The following MMS19 variants were observed in gnomAD, a reference collection of about 807,000 sequenced individuals.
MMS19 encodes the protein MMS19 nucleotide excision repair protein homolog.
A neutral mutation model predicts 129.8 loss-of-function variants in MMS19; 77 were observed. That is an observed-to-expected ratio of 0.59 (90% CI 0.49 to 0.72). MMS19 has a LOEUF of 0.72. MMS19 is among the 30% of genes least tolerant of loss of function. The pLI is 0.00. For synonymous variants in MMS19, 491 were observed against 502.8 expected (o/e 0.98, Z 0.31); for missense variants, 1,168 against 1,266.3 (o/e 0.92, Z 1.18).
At chr10:97,463,768 A>G (rs1342675594) in intron 19 of MMS19, 90 bp downstream of exon 19, 2 of 1,129,912 alleles carry the variant, frequency 1.8e-6, no homozygotes, top group East Asian at 2.6e-5. Flanking sequence ...GGTACAAAAT[A>G]CAGTACCACC....
Position 97,466,056 on chromosome 10 carries a change from T to C in MMS19, c.1606+3A>G, listed in dbSNP as rs1165819792. 1 of 1,613,556 alleles carries C rather than the reference T, an allele frequency of 6.2e-7. No individual in the cohort carries two copies. Among genetic ancestry groups the C allele is most frequent in the Non-Finnish European group, 8.5e-7 (1 of 1,179,696 alleles). On this transcript the variant is annotated splice_donor_region_variant and intron_variant, in intron 17 of 30. Transcript: ENST00000438925. The stretch of plus-strand genomic sequence containing the variant: ...TGGGCCACAGAGGATTAGAGACACA[T>C]ACCTACACGCAGCTCCTCAGCGAGC...
intron 1 of MMS19, among the ~76,000 whole-genome samples, chr10:97,497,467 T>C (rs1174529436): frequency 6.6e-6 from 1 of 152,196 alleles, no homozygotes; most frequent in African/African-American, 2.4e-5. Flanking sequence ...TAATTTTATA[T>C]TGTTACTTAA....
chr10:97,486,424 G>A (rs7901283), intron 1 of MMS19, among the ~76,000 whole-genome samples: 34,042 of 152,080 alleles, frequency 0.22, 4,142 homozygotes, highest in Non-Finnish European at 0.27. Context: ...CAGGTGATCC[G>A]CCCACTTCAA....
At chr10:97,470,087 G>T in intron 10 of MMS19, 42 bp downstream of exon 10, 1 of 1,363,298 alleles carries the variant, frequency 7.3e-7, no homozygotes, top group Non-Finnish European at 1.0e-6. Context: ...CCCCTAACTT[G>T]TCAAAAGGTA....
intron 18 of MMS19, 24 bp from the exon 19 acceptor site, chr10:97,464,037 G>C: frequency 1.2e-6 from 2 of 1,602,478 alleles, no homozygotes; most frequent in South Asian, 1.1e-5. Context: ...AGTGTTCTCT[G>C]TAAGGTTTGC....
intron 16 of MMS19, 55 bp downstream of exon 16, chr10:97,466,449 T>A: frequency 7.3e-7 from 1 of 1,375,832 alleles, no homozygotes; most frequent in Non-Finnish European, 1.0e-6. Context: ...GATCTTTTGC[T>A]GCCAATACAG....
intron 22 of MMS19, 38 bp from the exon 23 acceptor site, chr10:97,461,660 A>C (rs899450915): frequency 1.9e-6 from 3 of 1,587,010 alleles, no homozygotes; most frequent in Admixed American, 1.8e-5. Context: ...CCCAGAGAAC[A>C]CTTGAACTCC....
intron 3 of MMS19, 57 bp downstream of exon 3, chr10:97,480,885 C>T (rs2135437156): frequency 8.0e-7 from 1 of 1,249,388 alleles, no homozygotes; most frequent in South Asian, 1.3e-5. Flanking sequence ...CTTGAATAGA[C>T]ATGGGAGACC....
At chr10:97,480,069 C>T (rs1317968753) in intron 3 of MMS19, among the ~76,000 whole-genome samples, 1 of 152,194 alleles carries the variant, frequency 6.6e-6, no homozygotes, top group Non-Finnish European at 1.5e-5. Flanking sequence ...TGGCTGCCCC[C>T]ATGTATCCCC....
At position 97,458,384 on chromosome 10, in the gene MMS19, G is replaced by A; in HGVS notation, c.*308C>T. On this transcript the variant is annotated 3_prime_UTR_variant, in exon 31 of 31. Transcript: ENST00000438925. ...CAACATCTGCCAGCCCTGGTCCTCA[G>A]GGCCACACTCATATGCACTCACCCC... 1 of 317,908 alleles carries A rather than the reference G, an allele frequency of 3.1e-6. No individual in the cohort carries two copies. The highest frequency in any genetic ancestry group is 5.4e-5 in the East Asian group (1 of 18,570). The allele number at this position is 317,908 out of a possible 1,614,324, so 19.7% of individuals were successfully genotyped here. A position where few individuals can be genotyped will look rare whatever the true frequency, so the allele number is the denominator to read the frequency against.
chr10:97,476,706 A>G lies in MMS19; in HGVS notation c.661T>C (p.Tyr221His). The change falls in exon 8 of 31, where the codon TAT (tyrosine) becomes CAT (histidine). Residue 221 changes from tyrosine (Y) to histidine (H), a missense_variant. By Grantham distance (83) the Tyr-to-His change is moderately conservative (BLOSUM62 2). Coordinates refer to ENST00000438925, the MANE Select transcript of MMS19 (RefSeq NM_022362.5). Reference sequence around the variant, plus strand: ...ACAGGGGTAAAATCGATAGGGAAATAACAGGATGTCACTTCAAACAACTCC... The same window carrying G: ...ACAGGGGTAAAATCGATAGGGAAATGACAGGATGTCACTTCAAACAACTCC... ...VEELFEVTSC[Y>H]FPIDFTPPPN... 1 of 1,613,964 alleles carries G rather than the reference A, an allele frequency of 6.2e-7. No individual in the cohort carries two copies.
At chr10:97,481,858 A>G (rs569710384) in intron 2 of MMS19, among the ~76,000 whole-genome samples, 1 of 152,330 alleles carries the variant, frequency 6.6e-6, no homozygotes, top group African/African-American at 2.4e-5. Context: ...AAACCTGTAG[A>G]AAGGTTTCTA....
chr10:97,466,365 C>A (rs879772072), intron 16 of MMS19, 139 bp downstream of exon 16: 44 of 791,940 alleles, frequency 5.6e-5, no homozygotes, highest in Non-Finnish European at 8.6e-5. Flanking sequence ...TGGTTAGCAG[C>A]CAGAGTCTAA....
intron 8 of MMS19, 137 bp downstream of exon 8, chr10:97,476,546 C>T: frequency 1.4e-6 from 1 of 707,552 alleles, no homozygotes; most frequent in Non-Finnish European, 2.4e-6. Context: ...TTTTCCATTT[C>T]CTAGTTTATT....
At chr10:97,466,307 C>T in intron 16 of MMS19, 148 bp from the exon 17 acceptor site, 1 of 778,898 alleles carries the variant, frequency 1.3e-6, no homozygotes, top group Non-Finnish European at 2.1e-6. Flanking sequence ...CTGAGTTGGA[C>T]AGGGCTTCTT....
At chr10:97,462,817 TA>T (rs2032371696) in intron 19 of MMS19, 135 bp from the exon 20 acceptor site, 2 of 689,342 alleles carry the variant, frequency 2.9e-6, no homozygotes, top group Non-Finnish European at 5.1e-6. Flanking sequence ...TGGTCTCTGG[TA>T]GTGCTATAGT....
chr10:97,476,501 A>G (rs902088143), intron 8 of MMS19, among the ~76,000 whole-genome samples, 182 bp downstream of exon 8: 1 of 152,190 alleles, frequency 6.6e-6, no homozygotes, highest in East Asian at 1.9e-4. Context: ...CCCCCAATAC[A>G]TGCTGCTTTG....
chr10:97,460,554 A>G, intron 25 of MMS19, 141 bp downstream of exon 25: 1 of 748,742 alleles, frequency 1.3e-6, no homozygotes, highest in Admixed American at 2.4e-5. Context: ...CCTGGGTGAC[A>G]GAGTAAGACC....
intron 19 of MMS19, 62 bp from the exon 20 acceptor site, chr10:97,462,744 T>A (rs2032351733): frequency 3.0e-6 from 4 of 1,316,928 alleles, no homozygotes; most frequent in East Asian, 2.3e-5. Flanking sequence ...AAATGAATGA[T>A]TGGGTTCTGT....
Sources: gnomAD v4.1 joint callset for allele counts (sites outside exome capture counted in the v4.1 genomes callset) on GRCh38, gnomAD v4.1.1 for gene constraint, MANE v1.5 for transcripts, NCBI Gene and HGNC (gene_info 2026-07-23, HGNC 2026-07-21) for gene names.